The following TGFBR3 variants were observed in gnomAD, a reference collection of about 807,000 sequenced individuals.
TGFBR3 encodes transforming growth factor beta receptor 3.
TGFBR3 carries 46 observed loss-of-function variants against 87.9 expected under a neutral mutation model. The observed-to-expected ratio is 0.52, with a 90% confidence interval of 0.41 to 0.67. The LOEUF (loss-of-function observed/expected upper bound fraction) is 0.67. Ranked by LOEUF, TGFBR3 falls within the 30% of genes least tolerant of loss-of-function variation. TGFBR3 has a pLI of 0.00. For synonymous variants in TGFBR3, 381 were observed against 391.6 expected (o/e 0.97, Z 0.32); for missense variants, 866 against 1,041.9 (o/e 0.83, Z 2.32).
chr1:91,797,274 C>T lies in TGFBR3; in HGVS notation c.246+13G>A. ...TCAGTGGCAGTGGGCTGAGAGCTGACACCTGCACCTACCTCTCTCTGTAGC... is the reference window on the plus strand; with the variant it reads ...TCAGTGGCAGTGGGCTGAGAGCTGATACCTGCACCTACCTCTCTCTGTAGC... On this transcript the variant is annotated intron_variant, in intron 3 of 16. Coordinates refer to ENST00000212355, the MANE Select transcript of TGFBR3 (RefSeq NM_003243.5). 2 of 1,613,766 alleles carry T rather than the reference C, an allele frequency of 1.2e-6. No individual in the cohort carries two copies. The highest frequency in any genetic ancestry group is 1.7e-6 in the Non-Finnish European group (2 of 1,179,876).
At chr1:91,693,106 T>A (rs954325103) in intron 16 of TGFBR3, among the ~76,000 whole-genome samples, 2 of 152,220 alleles carry the variant, frequency 1.3e-5, no homozygotes, top group Admixed American at 1.3e-4. Flanking sequence ...GGTAACAAAC[T>A]GAAGGGGTTC....
intron 3 of TGFBR3, among the ~76,000 whole-genome samples, chr1:91,778,394 C>G (rs1255173715): frequency 6.6e-6 from 1 of 151,994 alleles, no homozygotes; most frequent in African/African-American, 2.4e-5. Flanking sequence ...CCAAATGGGT[C>G]TACACATTTG....
chr1:91,873,982 C>A (rs1302327860), intron 1 of TGFBR3, among the ~76,000 whole-genome samples: 1 of 151,852 alleles, frequency 6.6e-6, no homozygotes, highest in African/African-American at 2.4e-5. Flanking sequence ...TAAAATGCTT[C>A]TTATTCATTT....
chr1:91,903,540 C>T (rs1157133587), intron 1 of TGFBR3, among the ~76,000 whole-genome samples: 2 of 151,580 alleles, frequency 1.3e-5, no homozygotes, highest in East Asian at 3.9e-4. Flanking sequence ...CCCAGAAGTT[C>T]AAGACCAGCC....
intron 3 of TGFBR3, among the ~76,000 whole-genome samples, chr1:91,780,282 A>G (rs1158205405): frequency 6.6e-6 from 1 of 152,210 alleles, no homozygotes; most frequent in African/African-American, 2.4e-5. Flanking sequence ...ATAAACAGTG[A>G]GCAAAGCTTT....
Position 91,899,169 on chromosome 1 carries a change from GT to G in TGFBR3, c.-114+467del, listed in dbSNP as rs11466554. ...ATGTTCTTACCCCCAAAATAAGAAT[GT>G]GAGGTGACAAATATATTAATTAGCT... On this transcript the variant is annotated intron_variant, in intron 2 of 17. Coordinates refer to the TGFBR3 transcript ENST00000370399. Among the ~76,000 whole-genome samples the G allele has an allele frequency of 2.1e-3, 322 of 152,276 alleles. 2 individuals are homozygous for G. Among genetic ancestry groups the G allele is most frequent in the African/African-American group, 7.5e-3 (312 of 41,552 alleles).
intron 2 of TGFBR3, among the ~76,000 whole-genome samples, chr1:91,821,945 G>A (rs763766436): frequency 2.0e-5 from 3 of 151,956 alleles, no homozygotes; most frequent in Non-Finnish European, 4.4e-5. Context: ...GTAAAGGGAG[G>A]GCCTATCATT....
intron 3 of TGFBR3, among the ~76,000 whole-genome samples, chr1:91,775,257 A>T (rs567587363): frequency 8.1e-4 from 123 of 152,206 alleles, no homozygotes; most frequent in Non-Finnish European, 1.6e-3. Context: ...ACAGAAATGT[A>T]AAGAAATGCC....
At chr1:91,810,373 T>G (rs527863688) in intron 2 of TGFBR3, among the ~76,000 whole-genome samples, 30 of 152,318 alleles carry the variant, frequency 2.0e-4, no homozygotes, top group African/African-American at 7.2e-4. Context: ...ACTACACTTT[T>G]GTATTGCACC....
chr1:91,881,571 G>C (rs190865883), intron 1 of TGFBR3, among the ~76,000 whole-genome samples: 2 of 152,074 alleles, frequency 1.3e-5, no homozygotes, highest in Admixed American at 6.6e-5. Context: ...TGAATTACTC[G>C]AGTAAACTAG....
In TGFBR3 at chr1:91,682,443, G is replaced by A. The variant is rs774378714; in HGVS notation, c.*1296C>T. The A allele has an allele frequency of 3.0e-5, 13 of 430,092 alleles. No individual in the cohort carries two copies. Among genetic ancestry groups the A allele is most frequent in the South Asian group, 2.1e-4 (13 of 63,326 alleles). 26.6% of individuals were successfully genotyped at this position (430,092 alleles called of 1,614,324 possible). A position where few individuals can be genotyped will look rare whatever the true frequency, so the allele number is the denominator to read the frequency against. On this transcript the variant is annotated 3_prime_UTR_variant, in exon 17 of 17. Coordinates refer to ENST00000212355, the MANE Select transcript of TGFBR3 (RefSeq NM_003243.5). ...TTTTTTTTAACAAGGAGGTATCACT[G>A]AGCTTATTTTAGCTGCAAAGTGGCA...
intron 1 of TGFBR3, chr1:91,864,207 C>T (rs950335675): frequency 2.6e-5 from 4 of 152,248 alleles, no homozygotes; most frequent in African/African-American, 9.6e-5. Flanking sequence ...TTGCGTCACC[C>T]TGCCCACAGC....
In TGFBR3 at chr1:91,708,734, C is replaced by A. The variant is rs769446254; in HGVS notation, c.2216G>T (p.Trp739Leu). The change falls in exon 14 of 17, where the codon TGG becomes TTG. Residue 739 changes from tryptophan to leucine, a missense_variant. Trp to Leu is a moderately conservative substitution (Grantham distance 61). Transcript: ENST00000212355. The part of the protein sequence containing the change: ...ACTSLDASII[W>L]AMMQNKKTFT... ...CGTCTTCTTATTCTGCATCATGGCC[C>A]AGATTATCGAGGCGTCCAGCGAGGT... 1 of 1,614,070 alleles carries A rather than the reference C, an allele frequency of 6.2e-7. No individual in the cohort carries two copies.
At chr1:91,809,332 A>C (rs1675948275) in intron 2 of TGFBR3, among the ~76,000 whole-genome samples, 1 of 152,246 alleles carries the variant, frequency 6.6e-6, no homozygotes. Flanking sequence ...CGGAGGAATA[A>C]CATGCATTGC....
At chr1:91,787,913 G>C (rs910327839) in intron 3 of TGFBR3, among the ~76,000 whole-genome samples, 1 of 149,008 alleles carries the variant, frequency 6.7e-6, no homozygotes, top group Non-Finnish European at 1.5e-5. Context: ...ACTCCAGCCT[G>C]GGCGACAGAG....
chr1:91,862,930 A>C (rs1489936839), intron 1 of TGFBR3, among the ~76,000 whole-genome samples: 1 of 152,214 alleles, frequency 6.6e-6, no homozygotes, highest in East Asian at 1.9e-4. Context: ...AGACAAAGCC[A>C]ATGTGGGCGC....
At position 91,737,351 on chromosome 1, in the gene TGFBR3, G is replaced by C. The variant is rs372360523; in HGVS notation, c.385-2392C>G. Among the ~76,000 whole-genome samples, 31 of 152,320 alleles carry C rather than the reference G, an allele frequency of 2.0e-4. No homozygotes were observed. In the South Asian group the frequency reaches 6.4e-3, roughly 32 times the overall value. On this transcript the variant is annotated intron_variant, in intron 4 of 16. Coordinates refer to ENST00000212355, the MANE Select transcript of TGFBR3 (RefSeq NM_003243.5). ...CTGAGTTTTAGAAGGTGTTGTTTTA[G>C]AAGGTATTGTTCAGATGTTATTTCC...
intron 3 of TGFBR3, chr1:91,783,107 C>T (rs909648838): frequency 1.3e-5 from 2 of 152,202 alleles, no homozygotes; most frequent in Admixed American, 1.3e-4. Context: ...TGGTAGTGAC[C>T]TTGGATCCTA....
intron 12 of TGFBR3, among the ~76,000 whole-genome samples, chr1:91,715,187 T>C (rs923803666): frequency 2.6e-5 from 4 of 152,080 alleles, no homozygotes; most frequent in African/African-American, 9.7e-5. Context: ...ACATGAAAGG[T>C]TGTACCCAGG....
Sources: gnomAD v4.1 joint callset for allele counts (sites outside exome capture counted in the v4.1 genomes callset) on GRCh38, gnomAD v4.1.1 for gene constraint, MANE v1.5 for transcripts, NCBI Gene and HGNC (gene_info 2026-07-23, HGNC 2026-07-21) for gene names.